The following CNTN5 variants were observed in gnomAD, a reference collection of about 807,000 sequenced individuals.
CNTN5 encodes the protein contactin 5, also known as contactin-5.
Under a neutral mutation model 129.1 loss-of-function variants are expected in CNTN5, and 77 were observed. That is an observed-to-expected ratio of 0.60 (90% confidence interval 0.50 to 0.72). CNTN5 has a LOEUF of 0.72. Ranked by LOEUF, CNTN5 falls within the 30% of genes least tolerant of loss-of-function variation. CNTN5 has a pLI of 0.00. For synonymous variants in CNTN5, 509 were observed against 465.6 expected, an observed-to-expected ratio of 1.09 and a Z score of -1.20; for missense variants, 1,478 against 1,328.8, an observed-to-expected ratio of 1.11 and a Z score of -1.75.
intron 13 of CNTN5, among the ~76,000 whole-genome samples, chr11:100,087,946 C>G (rs1944618786): frequency 1.3e-5 from 2 of 151,690 alleles, no homozygotes; most frequent in East Asian, 1.9e-4. Flanking sequence ...GAAATTAATA[C>G]CAAGAAGACC....
At chr11:99,996,691 C>A (rs1455807299) in intron 8 of CNTN5, among the ~76,000 whole-genome samples, 1 of 152,130 alleles carries the variant, frequency 6.6e-6, no homozygotes, top group African/African-American at 2.4e-5. Flanking sequence ...ATAAAGAAAA[C>A]AGACTTAATT....
chr11:99,318,881 A>G (rs1018728556), intron 1 of CNTN5, among the ~76,000 whole-genome samples: 7 of 152,228 alleles, frequency 4.6e-5, no homozygotes, highest in African/African-American at 1.7e-4. Context: ...TTAAAAGTTA[A>G]AGTTTTAAAT....
intron 2 of CNTN5, among the ~76,000 whole-genome samples, chr11:99,467,097 T>C (rs1944974404): frequency 6.6e-6 from 1 of 152,180 alleles, no homozygotes; most frequent in Non-Finnish European, 1.5e-5. Flanking sequence ...TCAGAAATCA[T>C]TTTTCCACAG....
chr11:99,041,881 T>C (rs1863997162), intron 1 of CNTN5, among the ~76,000 whole-genome samples: 1 of 152,200 alleles, frequency 6.6e-6, no homozygotes, highest in Non-Finnish European at 1.5e-5. Flanking sequence ...ATTTGGCAAA[T>C]GATTTCATAG....
chr11:99,128,939 A>G (rs1260086804), intron 1 of CNTN5, among the ~76,000 whole-genome samples: 1 of 152,152 alleles, frequency 6.6e-6, no homozygotes, highest in Non-Finnish European at 1.5e-5. Context: ...AAAACCCCAT[A>G]CAAACCCTAT....
At chr11:99,730,052 A>C (rs992326355) in intron 3 of CNTN5, among the ~76,000 whole-genome samples, 1 of 152,214 alleles carries the variant, frequency 6.6e-6, no homozygotes, top group African/African-American at 2.4e-5. Flanking sequence ...GTATCCCAGA[A>C]GTAAAAGTTG....
chr11:99,842,129 A>G (rs867052120), intron 4 of CNTN5, among the ~76,000 whole-genome samples: 12 of 152,020 alleles, frequency 7.9e-5, no homozygotes, highest in Non-Finnish European at 1.3e-4. Context: ...TACTGACCTC[A>G]GATGATGCAC....
chr11:99,911,872 ACCTTGTTTT>A (rs201381175), intron 6 of CNTN5, among the ~76,000 whole-genome samples: 2,383 of 152,018 alleles, frequency 0.016, 31 homozygotes, highest in Non-Finnish European at 0.024. Flanking sequence ...GTATATCTCT[ACCTTGTTTT>A]GGCTCCTCTT....
In CNTN5 at chr11:100,224,984, C is replaced by T. The variant is rs1939699; in HGVS notation, c.2005+172C>T. The T allele has an allele frequency of 9.8e-6, 5 of 507,854 alleles. No homozygotes were observed. In the Admixed American group the frequency reaches 1.0e-4, roughly 10 times the overall value. 31.5% of individuals were successfully genotyped at this position (507,854 alleles called of 1,614,324 possible). Reference sequence around the variant, plus strand: ...CTTTGAAAAAATTACATGGAAAACTCCTCCTTAGTAACAGATGAAAACCAC... The same window carrying T: ...CTTTGAAAAAATTACATGGAAAACTTCTCCTTAGTAACAGATGAAAACCAC... On this transcript the variant is annotated intron_variant, in intron 16 of 24. Transcript: ENST00000524871.
At chr11:99,706,060 T>A (rs561342319) in intron 3 of CNTN5, among the ~76,000 whole-genome samples, 1 of 151,504 alleles carries the variant, frequency 6.6e-6, no homozygotes, top group South Asian at 2.1e-4. Flanking sequence ...AACTGAGCTC[T>A]GTTGGCTTAT....
At chr11:100,093,106 A>G (rs781728291) in intron 13 of CNTN5, among the ~76,000 whole-genome samples, 13 of 151,984 alleles carry the variant, frequency 8.6e-5, no homozygotes, top group Non-Finnish European at 1.9e-4. Flanking sequence ...CTGATCCGCC[A>G]TACATGTTCT....
intron 6 of CNTN5, among the ~76,000 whole-genome samples, chr11:99,853,038 A>C (rs1244390070): frequency 6.6e-6 from 1 of 152,194 alleles, no homozygotes; most frequent in Non-Finnish European, 1.5e-5. Context: ...TAAAGACACC[A>C]ATATAGTACA....
At chr11:99,397,517 C>A (rs1354132803) in intron 2 of CNTN5, among the ~76,000 whole-genome samples, 1 of 148,084 alleles carries the variant, frequency 6.8e-6, no homozygotes, top group Non-Finnish European at 1.5e-5. Context: ...TATTATCTAT[C>A]TATCTACCTA....
At chr11:99,704,819 T>A (rs1954684466) in intron 3 of CNTN5, among the ~76,000 whole-genome samples, 1 of 151,268 alleles carries the variant, frequency 6.6e-6, no homozygotes, top group South Asian at 2.1e-4. Context: ...GCGAAAGTTA[T>A]CCCCAAGTGA....
chr11:99,042,918 A>C (rs893886671), intron 1 of CNTN5, among the ~76,000 whole-genome samples: 1 of 148,516 alleles, frequency 6.7e-6, no homozygotes, highest in Admixed American at 6.6e-5. Context: ...CTTCTCATAC[A>C]TTTACATTTT....
chr11:100,038,247 G>C (rs1942148175), intron 9 of CNTN5, among the ~76,000 whole-genome samples: 1 of 152,064 alleles, frequency 6.6e-6, no homozygotes, highest in Non-Finnish European at 1.5e-5. Flanking sequence ...TTCAGGAGCA[G>C]GTTGTTCAGT....
intron 1 of CNTN5, among the ~76,000 whole-genome samples, chr11:99,164,702 G>C (rs1429595064): frequency 6.6e-6 from 1 of 152,090 alleles, no homozygotes; most frequent in Non-Finnish European, 1.5e-5. Context: ...TTATAAATAA[G>C]AATGTAAAAT....
intron 2 of CNTN5, among the ~76,000 whole-genome samples, chr11:99,415,315 TA>T (rs141479273): frequency 0.07 from 10,403 of 149,434 alleles, 400 homozygotes; most frequent in Admixed American, 0.12. Context: ...TGTGACTGGA[TA>T]AAAAAAAAAT....
chr11:100,238,462 G>C (rs1373189924), intron 16 of CNTN5, among the ~76,000 whole-genome samples: 1 of 139,196 alleles, frequency 7.2e-6, no homozygotes, highest in East Asian at 2.1e-4. Flanking sequence ...CGAAAGAGAA[G>C]AGGGAAAAGG....
Sources: gnomAD v4.1 joint callset for allele counts (sites outside exome capture counted in the v4.1 genomes callset) on GRCh38, gnomAD v4.1.1 for gene constraint, MANE v1.5 for transcripts, NCBI Gene and HGNC (gene_info 2026-07-23, HGNC 2026-07-21) for gene names.